Variants in STK32A observed in about 807,000 individuals in gnomAD.
STK32A encodes serine/threonine-protein kinase 32A.
A neutral mutation model predicts 53.2 loss-of-function variants in STK32A; 41 were observed. That is an observed-to-expected ratio of 0.77 (90% CI 0.60 to 1.00). The LOEUF (loss-of-function observed/expected upper bound fraction) is 1.00, where lower values mean the gene tolerates loss of function less well. STK32A is among the 50% of genes least tolerant of loss of function. STK32A has a pLI of 0.00. For synonymous variants in STK32A, 166 were observed against 162.8 expected (o/e 1.02, Z -0.15); for missense variants, 458 against 485.8 (o/e 0.94, Z 0.54).
chr5:147,248,121 C>CA (rs34098316), intron 2 of STK32A, among the ~76,000 whole-genome samples: 4,015 of 79,864 alleles, frequency 0.05, 191 homozygotes, highest in African/African-American at 0.12. Flanking sequence ...AACTCCGTCT[C>CA]AAAAAAAAAA....
intron 7 of STK32A, among the ~76,000 whole-genome samples, chr5:147,354,473 T>C (rs1219619195): frequency 6.6e-6 from 1 of 152,204 alleles, no homozygotes; most frequent in Non-Finnish European, 1.5e-5. Flanking sequence ...GCATTTCTAG[T>C]CTTCTCACAA....
intron 2 of STK32A, among the ~76,000 whole-genome samples, chr5:147,261,674 C>T (rs892359693): frequency 6.6e-6 from 1 of 152,160 alleles, no homozygotes; most frequent in African/African-American, 2.4e-5. Context: ...ATATCTAACA[C>T]TGAAGGAGGC....
At chr5:147,299,606 T>G (rs75871836) in intron 4 of STK32A, among the ~76,000 whole-genome samples, 212 of 152,284 alleles carry the variant, frequency 1.4e-3, no homozygotes, top group African/African-American at 4.9e-3. Context: ...TGGTAAAATG[T>G]CAACGTGAAA....
chr5:147,258,993 C>T (rs761078746), intron 2 of STK32A, among the ~76,000 whole-genome samples: 4 of 151,916 alleles, frequency 2.6e-5, no homozygotes, highest in East Asian at 3.9e-4. Context: ...TTTGAACAGA[C>T]CAATTATTAG....
At chr5:147,287,419 TA>T (rs1243691556) in intron 4 of STK32A, among the ~76,000 whole-genome samples, 2 of 152,052 alleles carry the variant, frequency 1.3e-5, no homozygotes, top group Non-Finnish European at 2.9e-5. Flanking sequence ...AATGGAAAAA[TA>T]ATTGAGGTTT....
At chr5:147,363,542 G>C (rs2151999484) in intron 8 of STK32A, among the ~76,000 whole-genome samples, 1 of 152,328 alleles carries the variant, frequency 6.6e-6, no homozygotes, top group East Asian at 1.9e-4. Context: ...CAGCCCTGAT[G>C]ATCTGTGAAT....
the STK32A span, chr5:147,395,523 C>T: frequency 1.3e-6 from 2 of 1,581,628 alleles, no homozygotes; most frequent in Non-Finnish European, 1.7e-6. Context: ...TCCCCTTCCC[C>T]CTTCTCTTAT....
At chr5:147,250,271 G>A (rs1238073896) in intron 2 of STK32A, among the ~76,000 whole-genome samples, 1 of 152,134 alleles carries the variant, frequency 6.6e-6, no homozygotes, top group Non-Finnish European at 1.5e-5. Context: ...GTAGGAGCTG[G>A]AGTAGAGTAT....
the STK32A span, chr5:147,394,208 T>C: frequency 7.2e-7 from 1 of 1,383,162 alleles, no homozygotes; most frequent in Non-Finnish European, 1.0e-6. Flanking sequence ...ACTGGGTTAA[T>C]TTTAAGAGTG....
At chr5:147,264,645 A>G (rs545885057) in intron 2 of STK32A, among the ~76,000 whole-genome samples, 25 of 152,344 alleles carry the variant, frequency 1.6e-4, no homozygotes, top group Non-Finnish European at 3.5e-4. Context: ...AGAAAGATGG[A>G]GGCATGTTGG....
chr5:147,245,855 C>T (rs1753750985), intron 2 of STK32A, among the ~76,000 whole-genome samples: 1 of 152,146 alleles, frequency 6.6e-6, no homozygotes, highest in Non-Finnish European at 1.5e-5. Context: ...GGATATGTGG[C>T]TGTTTCCAGT....
At chr5:147,268,736 G>A (rs1754910657) in intron 2 of STK32A, among the ~76,000 whole-genome samples, 1 of 152,188 alleles carries the variant, frequency 6.6e-6, no homozygotes, top group African/African-American at 2.4e-5. Context: ...TGATTGGAAT[G>A]GCCTGAGTCA....
At chr5:147,361,788 G>A (rs1290211996) in intron 8 of STK32A, among the ~76,000 whole-genome samples, 174 bp downstream of exon 8, 7 of 152,082 alleles carry the variant, frequency 4.6e-5, no homozygotes, top group East Asian at 1.9e-4. Flanking sequence ...CATTTGTCCC[G>A]CATATGGGAC....
intron 11 of STK32A, among the ~76,000 whole-genome samples, chr5:147,381,303 C>T (rs1369750423): frequency 2.0e-5 from 3 of 152,124 alleles, no homozygotes; most frequent in East Asian, 3.9e-4. Flanking sequence ...AATTTTTTCT[C>T]TCTTGCTGCT....
In STK32A at chr5:147,236,538, A is replaced by C. The variant is rs563158204; in HGVS notation, c.-97+1339A>C. Among the ~76,000 whole-genome samples, 4 of 152,298 alleles carry C rather than the reference A, an allele frequency of 2.6e-5. No individual in the cohort carries two copies. The South Asian group carries it at 8.3e-4, about 32-fold the overall frequency. On this transcript the variant is annotated intron_variant, in intron 1 of 12. Transcript: ENST00000397936. ...TAGATTTCTTTCTGAATATGAAAAA[A>C]AAAATCTAATTTGGTTATCCACATG...
chr5:147,381,949 T>C (rs1757471159), intron 11 of STK32A, among the ~76,000 whole-genome samples: 1 of 152,068 alleles, frequency 6.6e-6, no homozygotes, highest in African/African-American at 2.4e-5. Flanking sequence ...ACACTAACAC[T>C]AACGATAGCT....
intron 2 of STK32A, among the ~76,000 whole-genome samples, chr5:147,248,736 A>G (rs1753858736): frequency 6.6e-6 from 1 of 152,194 alleles, no homozygotes; most frequent in African/African-American, 2.4e-5. Context: ...CCAGGAATGG[A>G]TAAATCCCAG....
At chr5:147,377,849 AT>A (rs1470217675) in intron 11 of STK32A, among the ~76,000 whole-genome samples, 1 of 151,730 alleles carries the variant, frequency 6.6e-6, no homozygotes, top group Non-Finnish European at 1.5e-5. Flanking sequence ...TGTTTTTTTG[AT>A]GTTTCTGTTC....
At chr5:147,326,575 G>A (rs947025046) in intron 5 of STK32A, among the ~76,000 whole-genome samples, 10 of 151,368 alleles carry the variant, frequency 6.6e-5, no homozygotes, top group Non-Finnish European at 1.3e-4. Flanking sequence ...AACTCTGCAT[G>A]TTTTGCTTTT....
Sources: allele counts gnomAD v4.1 joint callset (sites outside exome capture counted in the v4.1 genomes callset), GRCh38; gene constraint gnomAD v4.1.1; transcripts MANE v1.5; gene names NCBI Gene and HGNC (gene_info 2026-07-23, HGNC 2026-07-21).